The following PDE7A variants were observed in gnomAD, a reference collection of about 807,000 sequenced individuals.
The protein encoded by PDE7A is high affinity 3',5'-cyclic-AMP phosphodiesterase 7A.
PDE7A carries 39 observed loss-of-function variants against 64.3 expected under a neutral mutation model. The observed-to-expected ratio is 0.61, with a 90% CI of 0.47 to 0.79. The LOEUF is 0.79. PDE7A is among the 30% of genes least tolerant of loss of function. The pLI is 0.00. For missense variants in PDE7A, 470 were observed against 582.8 expected (o/e 0.81, Z 1.99); for synonymous variants, 203 against 206.8 (o/e 0.98, Z 0.16).
chr8:65,825,008 G>A (rs903433437), intron 1 of PDE7A, among the ~76,000 whole-genome samples: 2 of 151,764 alleles, frequency 1.3e-5, no homozygotes, highest in Admixed American at 6.6e-5. Flanking sequence ...AATATAAATT[G>A]GCATCATCTT....
intron 1 of PDE7A, among the ~76,000 whole-genome samples, chr8:65,808,322 T>C (rs1810158893): frequency 6.6e-6 from 1 of 152,168 alleles, no homozygotes; most frequent in African/African-American, 2.4e-5. Context: ...AAGTTAATAA[T>C]AATGAATAAG....
chr8:65,758,132 T>C (rs1808322525), intron 3 of PDE7A, among the ~76,000 whole-genome samples: 2 of 152,166 alleles, frequency 1.3e-5, no homozygotes, highest in Non-Finnish European at 2.9e-5. Flanking sequence ...CCTGTGTCCA[T>C]TCCCATTCAT....
chr8:65,769,166 TG>T (rs1808948629), intron 3 of PDE7A, among the ~76,000 whole-genome samples: 1 of 149,560 alleles, frequency 6.7e-6, no homozygotes, highest in East Asian at 2.0e-4. Flanking sequence ...GAGAATTGCT[TG>T]AACCAGGGAG....
chr8:65,776,336 C>A (rs897675081), intron 3 of PDE7A, among the ~76,000 whole-genome samples: 1 of 152,096 alleles, frequency 6.6e-6, no homozygotes, highest in Non-Finnish European at 1.5e-5. Flanking sequence ...GAATTAACAT[C>A]ACCTTGACTT....
intron 3 of PDE7A, among the ~76,000 whole-genome samples, chr8:65,763,001 G>A (rs1055978784): frequency 3.9e-5 from 5 of 128,218 alleles, no homozygotes; most frequent in African/African-American, 1.4e-4. Flanking sequence ...ATGTGTGTGT[G>A]TGTGTGTGTG....
intron 1 of PDE7A, among the ~76,000 whole-genome samples, chr8:65,821,590 G>A (rs1210927869): frequency 1.3e-5 from 2 of 152,158 alleles, no homozygotes; most frequent in Admixed American, 1.3e-4. Context: ...ATCTATAGAA[G>A]TGGTACCCCG....
chr8:65,798,331 T>A (rs146193268), intron 1 of PDE7A, among the ~76,000 whole-genome samples: 92 of 151,570 alleles, frequency 6.1e-4, no homozygotes, highest in Middle Eastern at 3.4e-3. Flanking sequence ...TGCCTCAGCC[T>A]CCCAAGTAGC....
intron 3 of PDE7A, among the ~76,000 whole-genome samples, chr8:65,754,162 T>C: frequency 6.6e-6 from 1 of 152,138 alleles, no homozygotes; most frequent in Non-Finnish European, 1.5e-5. Flanking sequence ...AGATGTGGGC[T>C]AGGAAGCTAG....
chr8:65,765,207 G>A (rs1271221728), intron 3 of PDE7A, among the ~76,000 whole-genome samples: 5 of 152,102 alleles, frequency 3.3e-5, no homozygotes, highest in South Asian at 4.1e-4. Context: ...GATAATGGGC[G>A]AGCCGGGCGC....
intron 1 of PDE7A, among the ~76,000 whole-genome samples, chr8:65,801,832 T>C (rs1809994340): frequency 1.3e-5 from 2 of 152,204 alleles, no homozygotes; most frequent in Non-Finnish European, 2.9e-5. Context: ...GAACAGTGTA[T>C]AAAAAGCAGT....
chr8:65,727,090 C>T, intron 8 of PDE7A, 80 bp downstream of exon 8: 1 of 1,043,138 alleles, frequency 9.6e-7, no homozygotes, highest in Non-Finnish European at 1.5e-6. Context: ...AATTTATTTT[C>T]ATTACTTTCA....
At position 65,735,523 on chromosome 8, in the gene PDE7A, C is replaced by T. The variant is rs552637429; in HGVS notation, c.596-629G>A. On this transcript the variant is annotated intron_variant, in intron 6 of 12. Coordinates refer to ENST00000401827, the MANE Select transcript of PDE7A (RefSeq NM_001242318.3). ...ACAGGATCTTGCCATGTTGCCCAGG[C>T]TGGTTTCAAACCCCTGGGCTCAAGG... 3.9e-5 allele frequency among the ~76,000 whole-genome samples: 6 copies of T among 152,218 alleles called. No individual in the cohort carries two copies. The South Asian group carries it at 1.0e-3, about 26-fold the overall frequency.
intron 3 of PDE7A, among the ~76,000 whole-genome samples, chr8:65,763,020 TGTGTGTG>T (rs1808589254): frequency 6.6e-6 from 1 of 151,280 alleles, no homozygotes; most frequent in African/African-American, 2.4e-5. Context: ...TGTGTGTGTG[TGTGTGTG>T]TGTGTGTGTG....
chr8:65,801,541 C>G (rs992400506), intron 1 of PDE7A, among the ~76,000 whole-genome samples: 1 of 151,830 alleles, frequency 6.6e-6, no homozygotes, highest in Non-Finnish European at 1.5e-5. Flanking sequence ...GTATAGAGCA[C>G]CCCCCAGTAA....
chr8:65,784,888 T>C (rs1221559819), intron 1 of PDE7A, among the ~76,000 whole-genome samples: 12 of 152,230 alleles, frequency 7.9e-5, no homozygotes, highest in East Asian at 3.9e-4. Flanking sequence ...AGCAATGAGA[T>C]TGTATTTTTA....
At chr8:65,814,746 A>ATAAT (rs1261413948) in intron 1 of PDE7A, among the ~76,000 whole-genome samples, 1 of 151,870 alleles carries the variant, frequency 6.6e-6, no homozygotes, top group Non-Finnish European at 1.5e-5. Context: ...GCTCATGCCT[A>ATAAT]TAATCCCAGC....
chr8:65,823,434 T>C (rs1810589651), intron 1 of PDE7A, among the ~76,000 whole-genome samples: 2 of 152,198 alleles, frequency 1.3e-5, no homozygotes, highest in Non-Finnish European at 2.9e-5. Context: ...TAAATTCTCC[T>C]TAAAAACTTA....
intron 1 of PDE7A, among the ~76,000 whole-genome samples, chr8:65,840,801 G>T (rs1277299424): frequency 2.0e-5 from 3 of 152,234 alleles, no homozygotes; most frequent in Non-Finnish European, 4.4e-5. Context: ...TATGAACTTT[G>T]CAGACTTGTT....
intron 1 of PDE7A, among the ~76,000 whole-genome samples, chr8:65,814,911 G>A (rs918352851): frequency 2.4e-4 from 37 of 151,916 alleles, no homozygotes; most frequent in African/African-American, 7.2e-4. Context: ...GTGAAACCCC[G>A]TTTCTACTAA....
Sources: allele counts gnomAD v4.1 joint callset (sites outside exome capture counted in the v4.1 genomes callset), GRCh38; gene constraint gnomAD v4.1.1; transcripts MANE v1.5; gene names NCBI Gene and HGNC (gene_info 2026-07-23, HGNC 2026-07-21).